Variants in BNC2 observed in about 807,000 individuals in gnomAD.
BNC2 encodes the protein basonuclin zinc finger protein 2.
BNC2 carries 20 observed loss-of-function variants against 76.3 expected under a neutral mutation model. The observed-to-expected ratio is 0.26, with a 90% CI of 0.18 to 0.38. The LOEUF is 0.38. Ranked by LOEUF, BNC2 falls within the 10% of genes least tolerant of loss-of-function variation. The pLI is 1.00. For missense variants in BNC2, 1,382 were observed against 1,399.8 expected, an observed-to-expected ratio of 0.99 and a Z score of 0.20; for synonymous variants, 582 against 514.8, an observed-to-expected ratio of 1.13 and a Z score of -1.77.
chr9:16,587,832 T>C (rs1305898579), intron 3 of BNC2, among the ~76,000 whole-genome samples: 2 of 152,210 alleles, frequency 1.3e-5, no homozygotes. Context: ...GGAGTTCAAG[T>C]ACCACTCATT....
chr9:16,836,142 G>C (rs1370759026), intron 1 of BNC2, among the ~76,000 whole-genome samples: 1 of 152,128 alleles, frequency 6.6e-6, no homozygotes, highest in Non-Finnish European at 1.5e-5. Context: ...ACAGCAAGAC[G>C]GTCCTGCTAA....
At chr9:16,788,319 C>G (rs1289818850) in intron 1 of BNC2, among the ~76,000 whole-genome samples, 1 of 151,614 alleles carries the variant, frequency 6.6e-6, no homozygotes, top group Admixed American at 6.6e-5. Flanking sequence ...TCTGGGAGGC[C>G]AAGGTGGGCA....
intron 5 of BNC2, among the ~76,000 whole-genome samples, chr9:16,508,000 T>C (rs937457887): frequency 5.3e-5 from 8 of 152,184 alleles, no homozygotes; most frequent in African/African-American, 1.9e-4. Context: ...CATTGAGTAT[T>C]GATGACCTAT....
chr9:16,792,206 C>T (rs1387500138), intron 1 of BNC2, among the ~76,000 whole-genome samples: 1 of 150,704 alleles, frequency 6.6e-6, no homozygotes, highest in East Asian at 2.0e-4. Flanking sequence ...CACTTACAAT[C>T]CTCATGACAA....
At chr9:16,644,203 T>C (rs995205429) in intron 3 of BNC2, among the ~76,000 whole-genome samples, 3 of 152,196 alleles carry the variant, frequency 2.0e-5, no homozygotes, top group African/African-American at 7.2e-5. Flanking sequence ...TCATTCTCAA[T>C]TTATCAATGG....
intron 5 of BNC2, among the ~76,000 whole-genome samples, chr9:16,534,984 T>C (rs1818085023): frequency 6.6e-6 from 1 of 152,190 alleles, no homozygotes; most frequent in Non-Finnish European, 1.5e-5. Context: ...GAAAGAAAAA[T>C]CTGCCTATTT....
chr9:16,844,148 T>A (rs1207654344), intron 1 of BNC2, among the ~76,000 whole-genome samples: 2 of 151,674 alleles, frequency 1.3e-5, no homozygotes, highest in African/African-American at 4.8e-5. Flanking sequence ...TCATAAGTTT[T>A]TTTTTTTACG....
chr9:16,680,805 G>C (rs1441170369), intron 3 of BNC2, among the ~76,000 whole-genome samples: 1 of 151,302 alleles, frequency 6.6e-6, no homozygotes, highest in African/African-American at 2.4e-5. Flanking sequence ...TAGTGATTAC[G>C]TGTGTGGCCT....
chr9:16,861,526 G>A (rs1382355849), intron 1 of BNC2, among the ~76,000 whole-genome samples: 1 of 152,080 alleles, frequency 6.6e-6, no homozygotes, highest in Non-Finnish European at 1.5e-5. Flanking sequence ...ACATGTCTCT[G>A]TTTTCCAGAA....
chr9:16,791,136 A>G (rs1027092380), intron 1 of BNC2, among the ~76,000 whole-genome samples: 4 of 151,676 alleles, frequency 2.6e-5, no homozygotes, highest in African/African-American at 4.8e-5. Flanking sequence ...ATCTCGGCTC[A>G]CTGTAAGCTC....
chr9:16,632,145 G>C (rs1305943937), intron 3 of BNC2, among the ~76,000 whole-genome samples: 2 of 152,152 alleles, frequency 1.3e-5, no homozygotes, highest in East Asian at 3.9e-4. Context: ...TACTCCAGAA[G>C]AGTCAGGACT....
chr9:16,502,632 T>G (rs954743025), intron 5 of BNC2, among the ~76,000 whole-genome samples: 4 of 152,130 alleles, frequency 2.6e-5, no homozygotes, highest in African/African-American at 2.4e-5. Flanking sequence ...TCTGCTCAGA[T>G]TTAGAGTCAA....
intron 1 of BNC2, among the ~76,000 whole-genome samples, chr9:16,748,770 G>A (rs1292003049): frequency 1.4e-5 from 2 of 141,216 alleles, no homozygotes; most frequent in African/African-American, 5.3e-5. Context: ...TAGGACCCAG[G>A]AGATGGAGAT....
At chr9:16,703,005 T>C (rs963588735) in intron 3 of BNC2, among the ~76,000 whole-genome samples, 1 of 152,178 alleles carries the variant, frequency 6.6e-6, no homozygotes, top group South Asian at 2.1e-4. Context: ...GAACAAGTGA[T>C]GATATTTTTT....
At chr9:16,508,466 TTCTC>T in intron 5 of BNC2, among the ~76,000 whole-genome samples, 1 of 152,334 alleles carries the variant, frequency 6.6e-6, no homozygotes, top group Non-Finnish European at 1.5e-5. Flanking sequence ...TTCTTGTTGA[TTCTC>T]TCCCTACAAG....
intron 3 of BNC2, among the ~76,000 whole-genome samples, chr9:16,683,617 A>C (rs753067176): frequency 1.3e-5 from 2 of 152,262 alleles, no homozygotes; most frequent in Non-Finnish European, 2.9e-5. Context: ...AAAAAGGACT[A>C]GGACACATGA....
At chr9:16,485,509 G>A (rs1459022641) in intron 5 of BNC2, among the ~76,000 whole-genome samples, 1 of 152,178 alleles carries the variant, frequency 6.6e-6, no homozygotes, top group African/African-American at 2.4e-5. Flanking sequence ...ACCCAACTTT[G>A]CATTAACCCA....
chr9:16,755,381 A>G (rs1418695557), intron 1 of BNC2, among the ~76,000 whole-genome samples: 3 of 152,208 alleles, frequency 2.0e-5, no homozygotes, highest in Non-Finnish European at 4.4e-5. Flanking sequence ...AGAAAAGGGC[A>G]GGAGTCTAGA....
At position 16,574,918 on chromosome 9, in the gene BNC2, T is replaced by A. The variant is rs535900062; in HGVS notation, c.433+8065A>T. Among the ~76,000 whole-genome samples, 11 of 152,322 alleles carry A rather than the reference T, an allele frequency of 7.2e-5. No homozygotes were observed. In the South Asian group the frequency reaches 2.1e-3, roughly 29 times the overall value. On this transcript the variant is annotated intron_variant, in intron 4 of 6. Coordinates refer to ENST00000380672, the MANE Select transcript of BNC2 (RefSeq NM_017637.6). The stretch of plus-strand genomic sequence containing the variant: ...TTACTAACAAAAGGCAGAGAAGGGA[T>A]TTGACCACTGGCCTGGCCACACCCA...
Sources: gnomAD v4.1 joint callset for allele counts (sites outside exome capture counted in the v4.1 genomes callset) on GRCh38, gnomAD v4.1.1 for gene constraint, MANE v1.5 for transcripts, NCBI Gene and HGNC (gene_info 2026-07-23, HGNC 2026-07-21) for gene names.